SENP2: variants seen among roughly 807,000 people sequenced by gnomAD.
The protein encoded by SENP2 is sentrin-specific protease 2.
A neutral mutation model predicts 86.3 loss-of-function variants in SENP2; 16 were observed. The ratio of observed to expected loss-of-function variants is 0.19; its 90% CI spans 0.13 to 0.28. The LOEUF (loss-of-function observed/expected upper bound fraction) is 0.28, where lower values mean the gene tolerates loss of function less well. SENP2 is among the 10% of genes least tolerant of loss of function. The probability of loss-of-function intolerance (pLI) is 1.00; values close to 1 mark genes in which losing one functional copy is unlikely to be tolerated. For missense variants in SENP2, 552 were observed against 703.0 expected (o/e 0.79, Z 2.43); for synonymous variants, 222 against 238.7 (o/e 0.93, Z 0.64).
chr3:185,610,611 A>G (rs1320222595), intron 7 of SENP2, among the ~76,000 whole-genome samples: 1 of 152,198 alleles, frequency 6.6e-6, no homozygotes, highest in Non-Finnish European at 1.5e-5. Context: ...ATGTTTAACG[A>G]ACTCTTAACT....
intron 2 of SENP2, among the ~76,000 whole-genome samples, chr3:185,593,001 TATAAAAA>T (rs1722057684): frequency 6.6e-6 from 1 of 151,976 alleles, no homozygotes. Flanking sequence ...TCAATGAAAA[TATAAAAA>T]ATAAAAAAAC....
At chr3:185,616,571 C>T (rs1387248754) in intron 11 of SENP2, among the ~76,000 whole-genome samples, 9 of 151,426 alleles carry the variant, frequency 5.9e-5, no homozygotes, top group Admixed American at 1.3e-4. Flanking sequence ...GTCAGGAGAT[C>T]GAGACCATCC....
At chr3:185,588,470 C>T (rs1721874451) in intron 1 of SENP2, among the ~76,000 whole-genome samples, 1 of 152,196 alleles carries the variant, frequency 6.6e-6, no homozygotes, top group Non-Finnish European at 1.5e-5. Context: ...GGACTACAGA[C>T]GTGAGCCACC....
intron 3 of SENP2, 103 bp downstream of exon 3, chr3:185,598,648 TC>T: frequency 8.6e-7 from 1 of 1,166,572 alleles, no homozygotes; most frequent in African/African-American, 1.6e-5. Context: ...ATTACTTTTT[TC>T]CAGAAATATC....
intron 16 of SENP2, among the ~76,000 whole-genome samples, chr3:185,627,942 G>A (rs1213195141): frequency 1.3e-5 from 2 of 152,118 alleles, no homozygotes; most frequent in Non-Finnish European, 2.9e-5. Flanking sequence ...ATTACGTGAA[G>A]TAACTAGGAC....
intron 12 of SENP2, among the ~76,000 whole-genome samples, chr3:185,618,878 CA>C (rs1020656284): frequency 6.6e-6 from 1 of 150,654 alleles, no homozygotes; most frequent in Admixed American, 6.6e-5. Flanking sequence ...GACTCCGTCT[CA>C]AAAAAAAAGT....
At chr3:185,588,481 G>A (rs543171812) in intron 1 of SENP2, among the ~76,000 whole-genome samples, 23 of 152,294 alleles carry the variant, frequency 1.5e-4, no homozygotes, top group Non-Finnish European at 2.5e-4. Flanking sequence ...GTGAGCCACC[G>A]GGCCCGGCCG....
chr3:185,623,027 T>G (rs1711961700), intron 14 of SENP2, among the ~76,000 whole-genome samples: 1 of 151,932 alleles, frequency 6.6e-6, no homozygotes, highest in South Asian at 2.1e-4. Flanking sequence ...ATGTTGATCA[T>G]GCTGGTCTTG....
chr3:185,625,111 A>G (rs1712079957), intron 15 of SENP2, among the ~76,000 whole-genome samples: 1 of 151,712 alleles, frequency 6.6e-6, no homozygotes. Flanking sequence ...GTATTTAAGC[A>G]AATTTTTTTT....
intron 2 of SENP2, among the ~76,000 whole-genome samples, chr3:185,593,779 A>G: frequency 6.9e-6 from 1 of 145,060 alleles, no homozygotes; most frequent in Admixed American, 7.2e-5. Context: ...CCCAAGCTGC[A>G]GTGCAATGGT....
At chr3:185,623,866 C>T (rs1712011540) in intron 14 of SENP2, 132 bp from the exon 15 acceptor site, 5 of 395,984 alleles carry the variant, frequency 1.3e-5, no homozygotes, top group Admixed American at 4.6e-5. Context: ...AAAGCAGTCA[C>T]GTTTTTAAAA....
chr3:185,590,047 G>A (rs776539754), intron 1 of SENP2, 67 bp from the exon 2 acceptor site: 50 of 893,026 alleles, frequency 5.6e-5, no homozygotes, highest in Non-Finnish European at 8.1e-5. Flanking sequence ...TGAATAGTAA[G>A]TTTACTTACA....
At chr3:185,596,620 C>CAA (rs62894960) in intron 2 of SENP2, among the ~76,000 whole-genome samples, 3 of 119,726 alleles carry the variant, frequency 2.5e-5, no homozygotes, top group Non-Finnish European at 5.5e-5. Flanking sequence ...GACCCTGTCT[C>CAA]AAAAAAAAAA....
chr3:185,607,561 C>G (rs1560194931), intron 6 of SENP2, among the ~76,000 whole-genome samples: 4 of 151,760 alleles, frequency 2.6e-5, no homozygotes, highest in Admixed American at 1.3e-4. Flanking sequence ...AACTCCCGAC[C>G]TCAGGTGATC....
chr3:185,614,557 T>C lies in SENP2; in HGVS notation c.934-7T>C, dbSNP rs1222072863. 1.3e-6 allele frequency: 2 copies of C among 1,589,562 alleles called. No homozygotes were observed. Among genetic ancestry groups the C allele is most frequent in the Non-Finnish European group, 8.5e-7 (1 of 1,170,498 alleles). ...TGTCAGTAGAATTTAGATAATTTTTTGATCAGAGGAGGGGATACCAACTGG... is the reference window on the plus strand; with the variant it reads ...TGTCAGTAGAATTTAGATAATTTTTCGATCAGAGGAGGGGATACCAACTGG... On this transcript the variant is annotated splice_polypyrimidine_tract_variant and splice_region_variant and intron_variant, in intron 10 of 16. Coordinates refer to ENST00000296257, the MANE Select transcript of SENP2 (RefSeq NM_021627.3).
chr3:185,602,197 A>G (rs887209578), intron 5 of SENP2, among the ~76,000 whole-genome samples: 1 of 152,140 alleles, frequency 6.6e-6, no homozygotes, highest in Non-Finnish European at 1.5e-5. Flanking sequence ...TAGAGTCTTT[A>G]TTCAAGTACT....
chr3:185,625,609 CTTA>C (rs1712109110), intron 15 of SENP2, among the ~76,000 whole-genome samples: 1 of 152,120 alleles, frequency 6.6e-6, no homozygotes, highest in African/African-American at 2.4e-5. Flanking sequence ...CCACCTTTGG[CTTA>C]TTATGCTCTT....
intron 16 of SENP2, 35 bp from the exon 17 acceptor site, chr3:185,629,747 T>C (rs1235980789): frequency 1.2e-6 from 2 of 1,607,534 alleles, no homozygotes; most frequent in Non-Finnish European, 1.7e-6. Context: ...CACATTAATA[T>C]GTAATGCGGG....
intron 10 of SENP2, among the ~76,000 whole-genome samples, chr3:185,613,874 C>CT (rs1485540745): frequency 1.4e-5 from 2 of 144,450 alleles, no homozygotes; most frequent in African/African-American, 5.1e-5. Flanking sequence ...AAATACACAA[C>CT]TTTTTTCTTC....
Sources: gnomAD v4.1 joint callset for allele counts (sites outside exome capture counted in the v4.1 genomes callset) on GRCh38, gnomAD v4.1.1 for gene constraint, MANE v1.5 for transcripts, NCBI Gene and HGNC (gene_info 2026-07-23, HGNC 2026-07-21) for gene names.